CRELD2: variants seen among roughly 807,000 people sequenced by gnomAD.
The protein encoded by CRELD2 is protein disulfide isomerase CRELD2.
CRELD2 carries 33 observed loss-of-function variants against 48.1 expected under a neutral mutation model. The ratio of observed to expected loss-of-function variants is 0.69; its 90% CI spans 0.52 to 0.92. CRELD2 has a LOEUF of 0.92. Ranked by LOEUF, CRELD2 falls within the 40% of genes least tolerant of loss-of-function variation. The pLI is 0.00. For synonymous variants in CRELD2, 220 were observed against 203.9 expected (o/e 1.08, Z -0.67); for missense variants, 477 against 482.4 (o/e 0.99, Z 0.10).
Position 49,922,695 on chromosome 22 carries a change from G to T in CRELD2, c.676G>T (p.Gly226Cys). 1 of 1,550,102 alleles carries T rather than the reference G, an allele frequency of 6.5e-7. No homozygotes were observed. The highest frequency in any genetic ancestry group is 8.7e-7 in the Non-Finnish European group (1 of 1,148,460). Reference sequence around the variant, plus strand: ...TGAAGTGGGCTGGGTGCTGGACGAGGGCGCCTGTGTGGGTGAGGAGCGGCC... The same window carrying T: ...TGAAGTGGGCTGGGTGCTGGACGAGTGCGCCTGTGTGGGTGAGGAGCGGCC... ...ECEVGWVLDEGACVDVDECAA... is the reference protein window; with the variant it reads ...ECEVGWVLDECACVDVDECAA... Residue 226 changes from glycine to cysteine, a missense_variant, in exon 6 of 10, where the codon GGC becomes TGC. Physicochemically the swap from Gly to Cys is radical, Grantham distance 159. Transcript: ENST00000328268.
At chr22:49,922,089 G>A (rs1257795299) in intron 5 of CRELD2, 15 of 644,012 alleles carry the variant, frequency 2.3e-5, no homozygotes, top group Non-Finnish European at 2.4e-5. Context: ...GGCCCAGAGA[G>A]CAGCATCTGT....
rs528031443 is a variant in CRELD2 at position 49,919,268 on chromosome 22, G to C, written c.168G>C (p.Gly56=). Reference sequence around the variant, plus strand: ...CCGCAAAGAAGAACTTTGGCGGCGGGAACACGGCTTGGGAGGAAAAGACGC... The same window carrying C: ...CCGCAAAGAAGAACTTTGGCGGCGGCAACACGGCTTGGGAGGAAAAGACGC... ...VDTAKKNFGG[G]NTAWEEKTLS... is the part of the protein sequence containing the mutation. The change falls in exon 2 of 10, where the codon GGG becomes GGC. Residue 56 remains glycine (G), a synonymous_variant. Coordinates refer to ENST00000328268, the MANE Select transcript of CRELD2 (RefSeq NM_024324.5). 1 of 1,613,780 alleles carries C rather than the reference G, an allele frequency of 6.2e-7. No individual in the cohort carries two copies. Among genetic ancestry groups the C allele is most frequent in the East Asian group, 2.2e-5 (1 of 44,876 alleles).
At chr22:49,921,311 G>A (rs770102279) in intron 4 of CRELD2, 2 of 477,406 alleles carry the variant, frequency 4.2e-6, no homozygotes, top group South Asian at 3.4e-5. Context: ...GGGGACAGCT[G>A]TGCTATGCAG....
intron 5 of CRELD2, chr22:49,922,231 C>T (rs2060695661): frequency 6.6e-6 from 10 of 1,521,920 alleles, no homozygotes; most frequent in Non-Finnish European, 8.9e-6. Flanking sequence ...CTAGGCTATT[C>T]TGGGCAGACA....
intron 9 of CRELD2, 119 bp downstream of exon 9, chr22:49,925,676 G>A (rs745611595): frequency 6.5e-7 from 1 of 1,535,600 alleles, no homozygotes; most frequent in Non-Finnish European, 8.7e-7. Flanking sequence ...GGTGAGAGGG[G>A]GATTCCCGGA....
In CRELD2 at chr22:49,922,716, C is replaced by A. The variant is rs200309486; in HGVS notation, c.688+9C>A. 1 of 1,451,332 alleles carries A rather than the reference C, an allele frequency of 6.9e-7. No homozygotes were observed. The highest frequency in any genetic ancestry group is 1.8e-5 in the African/African-American group (1 of 55,618). 89.9% of individuals were successfully genotyped at this position (1,451,332 alleles called of 1,614,324 possible). A position where few individuals can be genotyped will look rare whatever the true frequency, so the allele number is the denominator to read the frequency against. On this transcript the variant is annotated intron_variant, in intron 6 of 9. Coordinates refer to ENST00000328268, the MANE Select transcript of CRELD2 (RefSeq NM_024324.5). Reference sequence around the variant, plus strand: ...CGAGGGCGCCTGTGTGGGTGAGGAGCGGCCCGGGGGTGGAGGAGGGCGCCT... The same window carrying A: ...CGAGGGCGCCTGTGTGGGTGAGGAGAGGCCCGGGGGTGGAGGAGGGCGCCT...
chr22:49,919,304 C>A lies in CRELD2; in HGVS notation c.204C>A (p.Tyr68Ter). 1 of 1,613,528 alleles carries A rather than the reference C, an allele frequency of 6.2e-7. No homozygotes were observed. Among genetic ancestry groups the A allele is most frequent in the Non-Finnish European group, 8.5e-7 (1 of 1,179,930 alleles). The part of the protein sequence containing the change: ...TAWEEKTLSK[Y>*]ESSEIRLLEI... ...GGGAGGAAAAGACGCTGTCCAAGTA[C>A]GAGTCCAGGTGGGTGCCCTGGAGCA... is the stretch of plus-strand genomic sequence containing the variant. The change falls in exon 2 of 10, where the codon TAC becomes TAA. Residue 68 changes from tyrosine to a stop codon, truncating the protein, a stop_gained. Coordinates refer to ENST00000328268, the MANE Select transcript of CRELD2 (RefSeq NM_024324.5). LOFTEE classifies it high-confidence loss of function.
chr22:49,921,816 T>G (rs1485161926), intron 5 of CRELD2, 55 bp downstream of exon 5: 1 of 1,545,914 alleles, frequency 6.5e-7, no homozygotes, highest in African/African-American at 1.4e-5. Context: ...CAAGAGCCCC[T>G]TGCTGGAGCT....
At chr22:49,924,191 C>T (rs913952315) in intron 7 of CRELD2, 169 bp from the exon 8 acceptor site, 22 of 554,122 alleles carry the variant, frequency 4.0e-5, no homozygotes, top group African/African-American at 1.3e-4. Flanking sequence ...CAGCAGGACG[C>T]GAGTCTGTGC....
chr22:49,925,584 A>G (rs777522816), intron 9 of CRELD2, 27 bp downstream of exon 9: 9 of 1,612,068 alleles, frequency 5.6e-6, no homozygotes, highest in South Asian at 1.1e-5. Flanking sequence ...CCCTCCACAC[A>G]GGCTGCCCTC....
intron 4 of CRELD2, 123 bp downstream of exon 4, chr22:49,920,370 C>T: frequency 1.5e-6 from 1 of 656,150 alleles, no homozygotes; most frequent in Admixed American, 2.9e-5. Flanking sequence ...GGTCTGGGAC[C>T]CTGCCGGATG....
In CRELD2 at chr22:49,922,143, G is replaced by A. The variant is rs1298766500; in HGVS notation, c.592+382G>A. 19 of 869,818 alleles carry A rather than the reference G, an allele frequency of 2.2e-5. No individual in the cohort carries two copies. In the Middle Eastern group the frequency reaches 1.1e-3, roughly 49 times the overall value. The allele number at this position is 869,818 out of a possible 1,614,324, so 53.9% of individuals were successfully genotyped here. A position where few individuals can be genotyped will look rare whatever the true frequency, so the allele number is the denominator to read the frequency against. ...TATGAGTGGCATCTTTCCAAAGGAC[G>A]TTTTCTCCCTGGTTGTCACTGATAT... On this transcript the variant is annotated intron_variant, in intron 5 of 9. Transcript: ENST00000328268.
Position 49,918,698 on chromosome 22 carries a change from G to C in CRELD2, c.-72G>C, listed in dbSNP as rs1014952425. The C allele has an allele frequency of 1.1e-5, 6 of 550,390 alleles. No individual in the cohort carries two copies. Among genetic ancestry groups the C allele is most frequent in the African/African-American group, 2.0e-5 (1 of 50,824 alleles). 34.1% of individuals were successfully genotyped at this position (550,390 alleles called of 1,614,324 possible). A position where few individuals can be genotyped will look rare whatever the true frequency, so the allele number is the denominator to read the frequency against. On this transcript the variant is annotated 5_prime_UTR_variant, in exon 1 of 10. Transcript: ENST00000328268. Reference sequence around the variant, plus strand: ...CCGGCGCGGCTGGGAGCGGGTGGGCGGCCGGGAGGCCGGAGCAGCACGGCC... The same window carrying C: ...CCGGCGCGGCTGGGAGCGGGTGGGCCGCCGGGAGGCCGGAGCAGCACGGCC...
At chr22:49,922,507 C>G (rs1425208568) in intron 5 of CRELD2, 105 bp from the exon 6 acceptor site, 11 of 1,498,398 alleles carry the variant, frequency 7.3e-6, no homozygotes, top group Non-Finnish European at 9.9e-6. Context: ...CACTGAAAAT[C>G]CCGTGTTGCT....
At position 49,927,295 on chromosome 22, in the gene CRELD2, C is replaced by T. The variant is rs1608; in HGVS notation, c.1050C>T (p.Arg350=). 147,331 of 1,611,140 alleles carry T rather than the reference C, an allele frequency of 0.091. 8,359 individuals carry two copies. The highest frequency in any genetic ancestry group is 0.2 in the African/African-American group (15,274 of 74,848). Residue 350 remains arginine, a synonymous_variant, in exon 10 of 10, where the codon CGC becomes CGT. Coordinates refer to ENST00000328268, the MANE Select transcript of CRELD2 (RefSeq NM_024324.5). The part of the protein sequence containing the change: ...EGESPTQLPS[R]EDL The stretch of plus-strand genomic sequence containing the variant: ...AAAGCCCGACACAGCTGCCCTCCCG[C>T]GAAGACCTGTAATGTGCCGGACTTA...
intron 4 of CRELD2, 90 bp from the exon 5 acceptor site, chr22:49,921,495 G>A (rs2060686355): frequency 7.4e-7 from 1 of 1,346,058 alleles, no homozygotes; most frequent in Non-Finnish European, 1.0e-6. Flanking sequence ...GAATCGTACA[G>A]GGTTTGGGTG....
At chr22:49,922,970 C>T (rs2060716888) in intron 6 of CRELD2, among the ~76,000 whole-genome samples, 1 of 149,474 alleles carries the variant, frequency 6.7e-6, no homozygotes, top group South Asian at 2.1e-4. Context: ...CACTCTCACA[C>T]AATGTGTCGC....
chr22:49,920,474 G>A (rs1397920458), intron 4 of CRELD2, among the ~76,000 whole-genome samples: 1 of 152,204 alleles, frequency 6.6e-6, no homozygotes, highest in Admixed American at 6.5e-5. Flanking sequence ...AAAACTCTGA[G>A]TATGTCTTCC....
chr22:49,922,675 T>A lies in CRELD2; in HGVS notation c.656T>A (p.Val219Glu), dbSNP rs1474306401. 2 of 1,551,028 alleles carry A rather than the reference T, an allele frequency of 1.3e-6. No individual in the cohort carries two copies. The highest frequency in any genetic ancestry group is 2.4e-5 in the South Asian group (2 of 85,048). ...AACAGAGACTGCGGCGAGTGTGAAG[T>A]GGGCTGGGTGCTGGACGAGGGCGCC... ...LTNRDCGECE[V>E]GWVLDEGACV... Residue 219 changes from valine (V) to glutamate (E), a missense_variant, in exon 6 of 10, where the codon GTG (valine) becomes GAG (glutamate). Val to Glu is a moderately radical substitution (Grantham distance 121). Coordinates refer to ENST00000328268, the MANE Select transcript of CRELD2 (RefSeq NM_024324.5).
Sources: gnomAD v4.1 joint callset for allele counts (sites outside exome capture counted in the v4.1 genomes callset) on GRCh38, gnomAD v4.1.1 for gene constraint, MANE v1.5 for transcripts, NCBI Gene and HGNC (gene_info 2026-07-23, HGNC 2026-07-21) for gene names.